The following POLN variants were observed in gnomAD, a reference collection of about 807,000 sequenced individuals.
POLN encodes DNA polymerase N.
A neutral mutation model predicts 113.5 loss-of-function variants in POLN; 108 were observed. The observed-to-expected ratio is 0.95, with a 90% confidence interval of 0.81 to 1.12. The LOEUF is 1.12. Among genes scored for constraint, POLN ranks in the 50% most tolerant of loss-of-function variants. POLN has a pLI of 0.00. For synonymous variants in POLN, 386 were observed against 391.5 expected (o/e 0.99, Z 0.17); for missense variants, 1,097 against 1,077.1 (o/e 1.02, Z -0.26).
intron 4 of POLN, among the ~76,000 whole-genome samples, chr4:2,209,657 C>CTTTTTTTTTT (rs1175117439): frequency 9.2e-6 from 1 of 108,430 alleles, no homozygotes; most frequent in Non-Finnish European, 1.8e-5. Context: ...TTTCCTTTTC[C>CTTTTTTTTTT]TTTTTTTTTT....
chr4:2,240,723 G>T, intron 2 of POLN: 2 of 1,613,810 alleles, frequency 1.2e-6, no homozygotes, highest in Non-Finnish European at 1.7e-6. Flanking sequence ...ATCCAATGCC[G>T]CCCCTTCTAG....
intron 19 of POLN, among the ~76,000 whole-genome samples, chr4:2,107,258 G>A (rs1042924732): frequency 5.9e-5 from 9 of 152,270 alleles, no homozygotes; most frequent in East Asian, 1.9e-4. Flanking sequence ...TGGTTTCGTA[G>A]GCAGGTAATC....
At chr4:2,137,839 G>A (rs566757396) in intron 16 of POLN, among the ~76,000 whole-genome samples, 9 of 148,326 alleles carry the variant, frequency 6.1e-5, no homozygotes, top group South Asian at 2.1e-4. Flanking sequence ...TTCTTCGGTC[G>A]GGGGGCGGGT....
intron 4 of POLN, among the ~76,000 whole-genome samples, chr4:2,211,280 T>C (rs1263731432): frequency 6.8e-6 from 1 of 147,082 alleles, no homozygotes; most frequent in East Asian, 1.9e-4. Flanking sequence ...ATAATAATAA[T>C]AATAATAATA....
At chr4:2,111,426 A>G (rs1370880941) in intron 19 of POLN, among the ~76,000 whole-genome samples, 2 of 152,198 alleles carry the variant, frequency 1.3e-5, no homozygotes, top group East Asian at 3.8e-4. Flanking sequence ...AGGGCATTCA[A>G]TTAGGAAAAG....
At chr4:2,177,409 C>T in intron 8 of POLN, 1 of 358,026 alleles carries the variant, frequency 2.8e-6, no homozygotes, top group Non-Finnish European at 5.6e-6. Flanking sequence ...CTGAACAATT[C>T]ATGCCACCTC....
At chr4:2,229,525 T>A (rs1036066936) in intron 2 of POLN, 7 of 218,416 alleles carry the variant, frequency 3.2e-5, no homozygotes, top group African/African-American at 1.4e-4. Flanking sequence ...TTGAAAAATG[T>A]TATTAAATCT....
intron 3 of POLN, among the ~76,000 whole-genome samples, chr4:2,221,338 C>A (rs1734248390): frequency 1.3e-5 from 2 of 152,102 alleles, no homozygotes; most frequent in Non-Finnish European, 2.9e-5. Context: ...AAAATAAAAT[C>A]TTGGGAATCC....
chr4:2,113,178 T>C (rs892674858), intron 19 of POLN, among the ~76,000 whole-genome samples: 17 of 132,724 alleles, frequency 1.3e-4, no homozygotes, highest in African/African-American at 2.3e-4. Flanking sequence ...TAGGTGGGAA[T>C]TGAACAAAGA....
chr4:2,207,329 G>A (rs996878199), intron 5 of POLN, among the ~76,000 whole-genome samples: 2 of 150,938 alleles, frequency 1.3e-5, no homozygotes, highest in African/African-American at 2.5e-5. Context: ...GTGCAGGAAA[G>A]TAGAGGAAAG....
chr4:2,122,458 G>A (rs908191189), intron 19 of POLN, among the ~76,000 whole-genome samples: 1 of 152,236 alleles, frequency 6.6e-6, no homozygotes, highest in African/African-American at 2.4e-5. Flanking sequence ...GGCAGGGACA[G>A]AGAGTAAATG....
intron 20 of POLN, among the ~76,000 whole-genome samples, chr4:2,086,697 C>A (rs183627771): frequency 6.6e-6 from 1 of 152,180 alleles, no homozygotes. Flanking sequence ...AAAGCCTTGG[C>A]CCTGGGGAGT....
rs182960605 is a variant in POLN, at chr4:2,158,028, C to T, written c.1612-117G>A. 3,328 of 614,156 alleles carry T rather than the reference C, an allele frequency of 5.4e-3. 25 individuals carry two copies. Among genetic ancestry groups the T allele is most frequent in the South Asian group, 0.016 (641 of 41,286 alleles). 38.0% of individuals were successfully genotyped at this position (614,156 alleles called of 1,614,324 possible). A position where few individuals can be genotyped will look rare whatever the true frequency, so the allele number is the denominator to read the frequency against. ...GTGCAGTGGCGTGATCTCGGCTTGC[C>T]GCAACTTCTGCCTCCTGGGGTCAAG... On this transcript the variant is annotated intron_variant, in intron 14 of 25. Transcript: ENST00000511885.
chr4:2,237,732 T>C (rs959915315), intron 2 of POLN, among the ~76,000 whole-genome samples: 22 of 152,164 alleles, frequency 1.4e-4, no homozygotes, highest in African/African-American at 5.1e-4. Context: ...TTGTAAACCA[T>C]GTAAAATATA....
chr4:2,074,266 C>T (rs1022160996), intron 24 of POLN, among the ~76,000 whole-genome samples: 2 of 152,138 alleles, frequency 1.3e-5, no homozygotes, highest in Non-Finnish European at 2.9e-5. Context: ...CGCTACACAC[C>T]GCCTGGGAGA....
chr4:2,076,823 T>C (rs1032908814), intron 23 of POLN: 36 of 152,466 alleles, frequency 2.4e-4, no homozygotes, highest in African/African-American at 8.7e-4. Context: ...ATGTGGACTT[T>C]GCAACAGAGA....
chr4:2,151,602 G>A (rs1374635670), intron 16 of POLN, among the ~76,000 whole-genome samples: 2 of 152,170 alleles, frequency 1.3e-5, no homozygotes, highest in African/African-American at 4.8e-5. Flanking sequence ...AAACAAAGTG[G>A]GGTACACACA....
At chr4:2,139,459 G>A (rs1314376082) in intron 16 of POLN, among the ~76,000 whole-genome samples, 1 of 152,224 alleles carries the variant, frequency 6.6e-6, no homozygotes, top group Non-Finnish European at 1.5e-5. Context: ...AGAGAAAATA[G>A]CAATGTGCGC....
At chr4:2,097,410 G>T (rs751431016) in intron 19 of POLN, among the ~76,000 whole-genome samples, 29 of 150,912 alleles carry the variant, frequency 1.9e-4, no homozygotes, top group South Asian at 4.2e-4. Context: ...GAGGGCAGTG[G>T]TGCGATCTCG....
Sources: allele counts gnomAD v4.1 joint callset (sites outside exome capture counted in the v4.1 genomes callset), GRCh38; gene constraint gnomAD v4.1.1; transcripts MANE v1.5; gene names NCBI Gene and HGNC (gene_info 2026-07-23, HGNC 2026-07-21).